The following PLEKHG5 variants were observed in gnomAD, a reference collection of about 807,000 sequenced individuals.
PLEKHG5 encodes pleckstrin homology and RhoGEF domain containing G5.
A neutral mutation model predicts 103.8 loss-of-function variants in PLEKHG5; 52 were observed. The observed-to-expected ratio is 0.50, with a 90% CI of 0.40 to 0.63. The LOEUF (loss-of-function observed/expected upper bound fraction) is 0.63. PLEKHG5 is among the 30% of genes least tolerant of loss of function. The probability of loss-of-function intolerance (pLI) is 0.00; values close to 1 mark genes in which losing one functional copy is unlikely to be tolerated. For missense variants in PLEKHG5, 1,205 were observed against 1,347.6 expected (o/e 0.89, Z 1.66); for synonymous variants, 592 against 575.5 (o/e 1.03, Z -0.41).
chr1:6,471,279 G>T, intron 12 of PLEKHG5, 179 bp from the exon 13 acceptor site: 1 of 767,992 alleles, frequency 1.3e-6, no homozygotes, highest in Non-Finnish European at 2.2e-6. Flanking sequence ...GTGACCACCC[G>T]TGGCCAGGGA....
At position 6,474,892 on chromosome 1, in the gene PLEKHG5, G is replaced by A. The variant is rs564877591; in HGVS notation, c.302+155C>T. On this transcript the variant is annotated intron_variant, in intron 5 of 20. Transcript: ENST00000377728. ...CCCCACCGCACTCCCTCACACTGGC[G>A]TGCACACCAGCACGGGTCTGCCCAC... 3.1e-4 allele frequency: 233 copies of A among 748,842 alleles called. 2 individuals carry two copies. In the African/African-American group the frequency reaches 3.3e-3, roughly 10 times the overall value. The allele number at this position is 748,842 out of a possible 1,614,324, so 46.4% of individuals were successfully genotyped here.
chr1:6,469,709 G>T, intron 16 of PLEKHG5, 33 bp from the exon 17 acceptor site: 1 of 1,608,000 alleles, frequency 6.2e-7, no homozygotes, highest in East Asian at 2.2e-5. Flanking sequence ...GGCCAGAGAG[G>T]CCAGCAGGGT....
chr1:6,496,981 GAC>G, upstream of PLEKHG5: 1 of 1,529,320 alleles, frequency 6.5e-7, no homozygotes, highest in Non-Finnish European at 8.7e-7. Context: ...TCCCTTTAGA[GAC>G]AGAGGAGCCC....
rs958748660 is a variant in PLEKHG5 at position 6,475,122 on chromosome 1, C to A, written c.227G>T (p.Cys76Phe). Residue 76 changes from cysteine to phenylalanine, a missense_variant, in exon 5 of 21, where the codon TGC (cysteine) becomes TTC (phenylalanine). By Grantham distance (205) the Cys-to-Phe change is radical. Coordinates refer to ENST00000377728, the MANE Select transcript of PLEKHG5 (RefSeq NM_020631.6). ...ATTCAGGTCAAATTTCAGAGTGAAG[C>A]ATTCCTTGCTTGGGTCCTGGGAGGA... is the stretch of plus-strand genomic sequence containing the variant. The part of the protein sequence containing the change: ...RRHTDDPSKE[C>F]FTLKFDLNVD... 2 of 1,606,802 alleles carry A rather than the reference C, an allele frequency of 1.2e-6. No homozygotes were observed. The highest frequency in any genetic ancestry group is 1.7e-5 in the Admixed American group (1 of 60,022).
chr1:6,497,383 G>A (rs890779524), upstream of PLEKHG5: 11 of 1,081,578 alleles, frequency 1.0e-5, no homozygotes, highest in Non-Finnish European at 1.2e-5. The surrounding 1 kb of genome is among the most constrained non-coding windows in gnomAD (Gnocchi z 6.1). Context: ...GGGACGCCGG[G>A]GACTGGGAGG....
At chr1:6,478,333 G>A (rs562259583) in intron 1 of PLEKHG5, among the ~76,000 whole-genome samples, 3 of 152,048 alleles carry the variant, frequency 2.0e-5, no homozygotes, top group African/African-American at 7.2e-5. Context: ...CACCATAGGC[G>A]AGTGTTTGTA....
chr1:6,469,376 C>T lies in PLEKHG5; in HGVS notation c.2008G>A (p.Ala670Thr). ...GTGTCCACCCAGCCACGGCACAAGGCCTGGCCACTGGCCTGGAACGTGTAG... is the reference window on the plus strand; with the variant it reads ...GTGTCCACCCAGCCACGGCACAAGGTCTGGCCACTGGCCTGGAACGTGTAG... ...GAYTFQASGQ[A>T]LCRGWVDTIY... The change falls in exon 18 of 21, where the codon GCC (alanine) becomes ACC (threonine). Residue 670 changes from alanine (A) to threonine (T), a missense_variant. Physicochemically the swap from Ala to Thr is moderately conservative, Grantham distance 58. Coordinates refer to ENST00000377728, the MANE Select transcript of PLEKHG5 (RefSeq NM_020631.6). 1 of 1,614,188 alleles carries T rather than the reference C, an allele frequency of 6.2e-7. No homozygotes were observed. The highest frequency in any genetic ancestry group is 8.5e-7 in the Non-Finnish European group (1 of 1,180,046).
At chr1:6,500,662 C>A (rs76183136), upstream of PLEKHG5, among the ~76,000 whole-genome samples, 6,374 of 150,954 alleles carry the variant, frequency 0.042, 195 homozygotes, top group African/African-American at 0.084. Context: ...GAACTCCCCC[C>A]ACCCCTAGCC....
At position 6,469,350 on chromosome 1, in the gene PLEKHG5, G is replaced by A. The variant is rs755808760; in HGVS notation, c.2034C>T (p.Thr678=). The change falls in exon 18 of 21, where the codon ACC becomes ACT. Residue 678 remains threonine, a synonymous_variant. Coordinates refer to ENST00000377728, the MANE Select transcript of PLEKHG5 (RefSeq NM_020631.6). ...CTGCACTCACCTGGGCATTGTAAAT[G>A]GTGTCCACCCAGCCACGGCACAAGG... The part of the protein sequence containing the change: ...GQALCRGWVD[T]IYNAQNQLQQ... 28 of 1,614,030 alleles carry A rather than the reference G, an allele frequency of 1.7e-5. No individual in the cohort carries two copies. The highest frequency in any genetic ancestry group is 1.6e-4 in the Middle Eastern group (1 of 6,062).
At chr1:6,469,807 T>A in intron 16 of PLEKHG5, 131 bp from the exon 17 acceptor site, 1 of 776,596 alleles carries the variant, frequency 1.3e-6, no homozygotes, top group Non-Finnish European at 2.1e-6. Context: ...CAAGTAAAAT[T>A]AAAATGAAGA....
intron 1 of PLEKHG5, among the ~76,000 whole-genome samples, chr1:6,489,016 T>C (rs1182051800): frequency 6.6e-6 from 1 of 151,888 alleles, no homozygotes; most frequent in African/African-American, 2.4e-5. Context: ...CTGGTCTGGG[T>C]GGGAGAGGGA....
upstream of PLEKHG5, among the ~76,000 whole-genome samples, chr1:6,499,566 C>T (rs541490650): frequency 2.8e-4 from 42 of 152,254 alleles, no homozygotes; most frequent in South Asian, 1.9e-3. Context: ...ACTGCAGACA[C>T]GAAGAAAAAT....
intron 1 of PLEKHG5, 34 bp from the exon 2 acceptor site, chr1:6,477,692 C>T (rs774242016): frequency 4.4e-6 from 7 of 1,595,096 alleles, no homozygotes; most frequent in Admixed American, 1.7e-5. Context: ...AGGAGGTCCA[C>T]GAGATCCACC....
Position 6,512,129 on chromosome 1 carries a change from G to A in PLEKHG5, c.-165+7316C>T, listed in dbSNP as rs184276263. On this transcript the variant is annotated intron_variant, in intron 1 of 21. Transcript: ENST00000377740. Reference sequence around the variant, plus strand: ...ACCATCACCCCGTTTTACAGAGGAGGAAGCGGAGGCTCGGGACGCCTGGAG... The same window carrying A: ...ACCATCACCCCGTTTTACAGAGGAGAAAGCGGAGGCTCGGGACGCCTGGAG... 3.4e-3 allele frequency among the ~76,000 whole-genome samples: 512 copies of A among 152,336 alleles called. 3 individuals are homozygous for A. The highest frequency in any genetic ancestry group is 0.01 in the Admixed American group (160 of 15,310).
chr1:6,472,413 G>T, intron 10 of PLEKHG5, 114 bp downstream of exon 10: 2 of 805,608 alleles, frequency 2.5e-6, no homozygotes, highest in Non-Finnish European at 4.2e-6. Context: ...TGACTTTCCT[G>T]CCCCCACCTC....
Position 6,469,380 on chromosome 1 carries a change from G to A in PLEKHG5, c.2004C>T (p.Gly668=), listed in dbSNP as rs771061971. 1.2e-6 allele frequency: 2 copies of A among 1,614,168 alleles called. No individual in the cohort carries two copies. Among genetic ancestry groups the A allele is most frequent in the Non-Finnish European group, 1.7e-6 (2 of 1,180,036 alleles). The part of the protein sequence containing the change: ...AVGAYTFQAS[G]QALCRGWVDT... ...CCACCCAGCCACGGCACAAGGCCTGGCCACTGGCCTGGAACGTGTAGGCCC... is the reference window on the plus strand; with the variant it reads ...CCACCCAGCCACGGCACAAGGCCTGACCACTGGCCTGGAACGTGTAGGCCC... The change falls in exon 18 of 21, where the codon GGC becomes GGT. Residue 668 remains glycine (G), a synonymous_variant. Coordinates refer to ENST00000377728, the MANE Select transcript of PLEKHG5 (RefSeq NM_020631.6).
In PLEKHG5 at chr1:6,467,457, G is replaced by A; in HGVS notation, c.*106C>T. 9.0e-7 allele frequency: 1 copy of A among 1,114,876 alleles called. No individual in the cohort carries two copies. Among genetic ancestry groups the A allele is most frequent in the Non-Finnish European group, 1.4e-6 (1 of 726,206 alleles). 69.1% of individuals were successfully genotyped at this position (1,114,876 alleles called of 1,614,324 possible). A position where few individuals can be genotyped will look rare whatever the true frequency, so the allele number is the denominator to read the frequency against. Reference sequence around the variant, plus strand: ...AGGCAGGGATCCTGCCCAGCATCCGGCTCATGCATACAGGAGGCAGTAGCT... The same window carrying A: ...AGGCAGGGATCCTGCCCAGCATCCGACTCATGCATACAGGAGGCAGTAGCT... On this transcript the variant is annotated 3_prime_UTR_variant, in exon 21 of 21. Transcript: ENST00000377728.
At chr1:6,503,480 C>G (rs1645318079) in intron 1 of PLEKHG5, among the ~76,000 whole-genome samples, 1 of 149,698 alleles carries the variant, frequency 6.7e-6, no homozygotes, top group Non-Finnish European at 1.5e-5. Flanking sequence ...ATGATCTCGG[C>G]TCACTGAACC....
Position 6,485,361 on chromosome 1 carries a change from G to A in PLEKHG5, c.-88+6276C>T, listed in dbSNP as rs764605295. On this transcript the variant is annotated intron_variant, in intron 1 of 20. Coordinates refer to ENST00000377728, the MANE Select transcript of PLEKHG5 (RefSeq NM_020631.6). ...GTCGCGGGCACGACCCCCGGCCCAG[G>A]AGGGCTCCGAGTCCCGGAGGGGCAG... The A allele has an allele frequency of 1.1e-5, 15 of 1,423,356 alleles. No homozygotes were observed. The South Asian group carries it at 2.2e-4, about 21-fold the overall frequency. 88.2% of individuals were successfully genotyped at this position (1,423,356 alleles called of 1,614,324 possible).
Sources: allele counts gnomAD v4.1 joint callset (sites outside exome capture counted in the v4.1 genomes callset), GRCh38; gene constraint gnomAD v4.1.1; non-coding constraint Gnocchi (gnomAD v3.1); transcripts MANE v1.5; gene names NCBI Gene and HGNC (gene_info 2026-07-23, HGNC 2026-07-21).